The following CHD3 variants were observed in gnomAD, a reference collection of about 807,000 sequenced individuals.
The protein encoded by CHD3 is chromodomain helicase DNA binding protein 3.
CHD3 carries 52 observed loss-of-function variants against 248.9 expected under a neutral mutation model. The ratio of observed to expected loss-of-function variants is 0.21; its 90% CI spans 0.17 to 0.26. The LOEUF is 0.26. Ranked by LOEUF, CHD3 falls within the 10% of genes least tolerant of loss-of-function variation. The probability of loss-of-function intolerance (pLI) is 1.00; values close to 1 mark genes in which losing one functional copy is unlikely to be tolerated. For missense variants in CHD3, 1,482 were observed against 2,605.8 expected, an observed-to-expected ratio of 0.57 and a Z score of 9.39; for synonymous variants, 985 against 985.2, an observed-to-expected ratio of 1.00 and a Z score of 0.00.
In CHD3 at chr17:7,908,651, C is replaced by T. The variant is rs1226414781; in HGVS notation, c.5262-46C>T. 4 of 1,611,612 alleles carry T rather than the reference C, an allele frequency of 2.5e-6. No homozygotes were observed. Among genetic ancestry groups the T allele is most frequent in the Non-Finnish European group, 2.5e-6 (3 of 1,178,032 alleles). ...AAGGAAGAAGTGTTCAAAGCCAAGC[C>T]CATTCCTGTTAAATTCCTTGATGGT... is the stretch of plus-strand genomic sequence containing the variant. On this transcript the variant is annotated intron_variant, in intron 35 of 39. Transcript: ENST00000330494. This position sits in a 1 kb window ranked among gnomAD's most constrained non-coding sequence, Gnocchi z 5.8.
chr17:7,910,583 C>T lies in CHD3; in HGVS notation c.5746C>T (p.Pro1916Ser). 1 of 1,609,598 alleles carries T rather than the reference C, an allele frequency of 6.2e-7. No homozygotes were observed. The highest frequency in any genetic ancestry group is 8.5e-7 in the Non-Finnish European group (1 of 1,179,490). Residue 1916 changes from proline (P) to serine (S), a missense_variant, in exon 38 of 40, where the codon CCC (proline) becomes TCC (serine). Around this residue, in one of 20 missense-constraint regions of CHD3, gnomAD observed 117 missense variants for 137.2 expected, o/e 0.85. Coordinates refer to ENST00000330494, the MANE Select transcript of CHD3 (RefSeq NM_001005273.3). The surrounding 1 kb of genome is among the most constrained non-coding windows in gnomAD (Gnocchi z 4.7). ...GGCCAGCAAGGGCACGGAGCCTCACCCCACACCGGTAACCCTCTTTCCCCC... is the reference window on the plus strand; with the variant it reads ...GGCCAGCAAGGGCACGGAGCCTCACTCCACACCGGTAACCCTCTTTCCCCC... Reference protein sequence around the residue: ...RLASKGTEPHPTPAYPPGPYA... With the variant: ...RLASKGTEPHSTPAYPPGPYA...
In CHD3 at chr17:7,908,151, C is replaced by T. The variant is rs1435562025; in HGVS notation, c.5152+132C>T. The T allele has an allele frequency of 8.7e-7, 1 of 1,145,800 alleles. No homozygotes were observed. The highest frequency in any genetic ancestry group is 2.4e-5 in the Admixed American group (1 of 42,026). 71.0% of individuals were successfully genotyped at this position (1,145,800 alleles called of 1,614,324 possible). Reference sequence around the variant, plus strand: ...TCCAATGAAGTATGTTGCATGCTGACTCCGATCCTTGCTCTAAATCTTTCT... The same window carrying T: ...TCCAATGAAGTATGTTGCATGCTGATTCCGATCCTTGCTCTAAATCTTTCT... On this transcript the variant is annotated intron_variant, in intron 34 of 39. Transcript: ENST00000330494. This position sits in a 1 kb window ranked among gnomAD's most constrained non-coding sequence, Gnocchi z 5.8.
Position 7,893,509 on chromosome 17 carries a change from C to T in CHD3, c.733C>T (p.Pro245Ser). The change falls in exon 5 of 40, where the codon CCC becomes TCC. Residue 245 changes from proline (P) to serine (S), a missense_variant. Transcript: ENST00000330494. ...CTCCGGACCCCCCGCCCTTCCACCA[C>T]CCCCTGCTGCTGATATCCAGCCCCC... The part of the protein sequence containing the change: ...APSGPPALPP[P>S]PAADIQPPPI... 2 of 1,564,646 alleles carry T rather than the reference C, an allele frequency of 1.3e-6. No homozygotes were observed. The highest frequency in any genetic ancestry group is 1.8e-6 in the Non-Finnish European group (2 of 1,139,184).
At chr17:7,896,192 C>T (rs906913014) in intron 10 of CHD3, among the ~76,000 whole-genome samples, 2 of 137,080 alleles carry the variant, frequency 1.5e-5, no homozygotes, top group African/African-American at 5.7e-5. Flanking sequence ...CGTGTCCCTG[C>T]ACTTCAGCCT....
chr17:7,904,848 G>A lies in CHD3; in HGVS notation c.4072+229G>A, dbSNP rs1287815236. Among the ~76,000 whole-genome samples, 1 of 152,162 alleles carries A rather than the reference G, an allele frequency of 6.6e-6. No individual in the cohort carries two copies. Among genetic ancestry groups the A allele is most frequent in the Non-Finnish European group, 1.5e-5 (1 of 68,028 alleles). On this transcript the variant is annotated intron_variant, in intron 25 of 39. Coordinates refer to ENST00000330494, the MANE Select transcript of CHD3 (RefSeq NM_001005273.3). The surrounding 1 kb of genome is among the most constrained non-coding windows in gnomAD (Gnocchi z 4.4). ...CACAGGCATCCTGTGGACACCCAGG[G>A]CCATTGCTTAGAGTAGGTTTTGCAG...
Position 7,900,203 on chromosome 17 carries a change from G to C in CHD3, c.2683-87G>C, listed in dbSNP as rs1597967284. On this transcript the variant is annotated intron_variant, in intron 16 of 39. Transcript: ENST00000330494. The surrounding 1 kb of genome is among the most constrained non-coding windows in gnomAD (Gnocchi z 6.5). ...GCCTCTGATCCTGAGTGAAATGGGA[G>C]CTGGGGCAGGGAAAGGCTGATGCTG... The C allele has an allele frequency of 6.4e-7, 1 of 1,551,252 alleles. No homozygotes were observed. The highest frequency in any genetic ancestry group is 8.7e-7 in the Non-Finnish European group (1 of 1,155,566).
At position 7,909,126 on chromosome 17, in the gene CHD3, C is replaced by A; in HGVS notation, c.5395-17C>A. 1 of 1,552,316 alleles carries A rather than the reference C, an allele frequency of 6.4e-7. No homozygotes were observed. The highest frequency in any genetic ancestry group is 2.4e-5 in the East Asian group (1 of 41,290). On this transcript the variant is annotated splice_polypyrimidine_tract_variant and intron_variant, in intron 36 of 39. Coordinates refer to ENST00000330494, the MANE Select transcript of CHD3 (RefSeq NM_001005273.3). This position sits in a 1 kb window ranked among gnomAD's most constrained non-coding sequence, Gnocchi z 8.1. ...CTGGCAGAGCCCTACCTTCACCTCC[C>A]AACTCTGTGCCCTCAGCTCCTGGAG...
In CHD3 at chr17:7,900,825, C is replaced by T; in HGVS notation, c.2979-27C>T. 1.9e-6 allele frequency: 3 copies of T among 1,612,716 alleles called. No homozygotes were observed. Among genetic ancestry groups the T allele is most frequent in the South Asian group, 2.2e-5 (2 of 91,002 alleles). Reference sequence around the variant, plus strand: ...ATAATTGCTTCCTTTATTTATGTTTCTTTTACACCCCTTTCCTGGCCTTTA... The same window carrying T: ...ATAATTGCTTCCTTTATTTATGTTTTTTTTACACCCCTTTCCTGGCCTTTA... On this transcript the variant is annotated intron_variant, in intron 18 of 39. Transcript: ENST00000330494. This position sits in a 1 kb window ranked among gnomAD's most constrained non-coding sequence, Gnocchi z 6.5.
rs1342418451 is a variant in CHD3 at position 7,911,447 on chromosome 17, AC to A, written c.5882-13del. On this transcript the variant is annotated splice_polypyrimidine_tract_variant and intron_variant, in intron 39 of 39. Coordinates refer to ENST00000330494, the MANE Select transcript of CHD3 (RefSeq NM_001005273.3). The surrounding 1 kb of genome is among the most constrained non-coding windows in gnomAD (Gnocchi z 5.4). ...GTGATCTGGAGATTGATCTTTCCTT[AC>A]CCCTTTCCCAAACAGCCGCCACCAA... 5 of 1,613,760 alleles carry A rather than the reference AC, an allele frequency of 3.1e-6. No individual in the cohort carries two copies. The highest frequency in any genetic ancestry group is 4.2e-6 in the Non-Finnish European group (5 of 1,179,928).
rs1969236606 is a variant in CHD3 at position 7,893,796 on chromosome 17, C to G, written c.794-9C>G. 6.2e-7 allele frequency: 1 copy of G among 1,613,242 alleles called. No homozygotes were observed. Among genetic ancestry groups the G allele is most frequent in the African/African-American group, 1.3e-5 (1 of 74,752 alleles). Reference sequence around the variant, plus strand: ...CTTTTTCCTCTTCTCACCCCGACTCCTCATTCAGGTCCAGGCCATAAGAGG... The same window carrying G: ...CTTTTTCCTCTTCTCACCCCGACTCGTCATTCAGGTCCAGGCCATAAGAGG... On this transcript the variant is annotated splice_polypyrimidine_tract_variant and intron_variant, in intron 5 of 39. Coordinates refer to ENST00000330494, the MANE Select transcript of CHD3 (RefSeq NM_001005273.3).
At position 7,903,145 on chromosome 17, in the gene CHD3, GAAAT is replaced by G; in HGVS notation, c.3495+89_3495+92del. 6.3e-7 allele frequency: 1 copy of G among 1,577,594 alleles called. No homozygotes were observed. Among genetic ancestry groups the G allele is most frequent in the South Asian group, 1.1e-5 (1 of 87,322 alleles). On this transcript the variant is annotated intron_variant, in intron 22 of 39. Transcript: ENST00000330494. The surrounding 1 kb of genome is among the most constrained non-coding windows in gnomAD (Gnocchi z 6.8). ...AGGAGGGTGTCATGTTCCGGGGTCA[GAAAT>G]AAATCTCTTCTGGGAGGAGAGAAGG... is the stretch of plus-strand genomic sequence containing the variant.
chr17:7,901,467 C>T (rs1597972408), intron 20 of CHD3, 92 bp downstream of exon 20: 2 of 1,055,810 alleles, frequency 1.9e-6, no homozygotes, highest in Non-Finnish European at 2.6e-6. Context: ...CCTGTGGCTG[C>T]TCTGGTGTGA....
chr17:7,897,951 C>G lies in CHD3; in HGVS notation c.1920-20C>G, dbSNP rs1292690223. 6.2e-7 allele frequency: 1 copy of G among 1,608,428 alleles called. No individual in the cohort carries two copies. Among genetic ancestry groups the G allele is most frequent in the Non-Finnish European group, 8.5e-7 (1 of 1,177,614 alleles). On this transcript the variant is annotated intron_variant, in intron 11 of 39. Coordinates refer to ENST00000330494, the MANE Select transcript of CHD3 (RefSeq NM_001005273.3). The surrounding 1 kb of genome is among the most constrained non-coding windows in gnomAD (Gnocchi z 4.8). ...GCAATATTTTCCTCCTGCTCCTCCCCATGGCCTCCTGCCCCACAGTGTGGA... is the reference window on the plus strand; with the variant it reads ...GCAATATTTTCCTCCTGCTCCTCCCGATGGCCTCCTGCCCCACAGTGTGGA...
At position 7,901,248 on chromosome 17, in the gene CHD3, C is replaced by T; in HGVS notation, c.3125C>T (p.Ser1042Phe). Residue 1042 changes from serine to phenylalanine, a missense_variant, in exon 20 of 40, where the codon TCC becomes TTC. Physicochemically the swap from Ser to Phe is radical, Grantham distance 155 (BLOSUM62 -2). Coordinates refer to ENST00000330494, the MANE Select transcript of CHD3 (RefSeq NM_001005273.3). ...PYLFPVAAME[S>F]PKLPSGAYEG... ...TCCTCTCTCCTCCCTTTTCAGGAGT[C>T]CCCCAAACTCCCCAGTGGGGCTTAT... 1.2e-6 allele frequency: 2 copies of T among 1,600,594 alleles called. No individual in the cohort carries two copies. Among genetic ancestry groups the T allele is most frequent in the Non-Finnish European group, 1.7e-6 (2 of 1,172,160 alleles).
chr17:7,897,831 CCCTT>C lies in CHD3; in HGVS notation c.1920-137_1920-134del, dbSNP rs1308089291. ...GCTGCTAGGTCAACTATTCCAATCTCCCTTCCAGCAGCTCACTGTTGACGGTTGG... is the reference window on the plus strand; with the variant it reads ...GCTGCTAGGTCAACTATTCCAATCTCCCAGCAGCTCACTGTTGACGGTTGG... On this transcript the variant is annotated intron_variant, in intron 11 of 39. Coordinates refer to ENST00000330494, the MANE Select transcript of CHD3 (RefSeq NM_001005273.3). This position sits in a 1 kb window ranked among gnomAD's most constrained non-coding sequence, Gnocchi z 4.8. 9 of 878,928 alleles carry C rather than the reference CCCTT, an allele frequency of 1.0e-5. No individual in the cohort carries two copies. The highest frequency in any genetic ancestry group is 2.5e-5 in the East Asian group (1 of 40,032). 54.4% of individuals were successfully genotyped at this position (878,928 alleles called of 1,614,324 possible). A position where few individuals can be genotyped will look rare whatever the true frequency, so the allele number is the denominator to read the frequency against.
chr17:7,909,972 C>T lies in CHD3; in HGVS notation c.5591-456C>T. The T allele has an allele frequency of 4.0e-6, 1 of 249,960 alleles. No individual in the cohort carries two copies. 15.5% of individuals were successfully genotyped at this position (249,960 alleles called of 1,614,324 possible). On this transcript the variant is annotated intron_variant, in intron 37 of 39. Transcript: ENST00000330494. This position sits in a 1 kb window ranked among gnomAD's most constrained non-coding sequence, Gnocchi z 8.1. Reference sequence around the variant, plus strand: ...CTGTAATACTGACCTTCTAACCTCCCTCTCCCCTTACATATTAAAACCGTG... The same window carrying T: ...CTGTAATACTGACCTTCTAACCTCCTTCTCCCCTTACATATTAAAACCGTG...
At position 7,894,258 on chromosome 17, in the gene CHD3, G is replaced by A. The variant is rs369388251; in HGVS notation, c.1068G>A (p.Lys356=). The A allele has an allele frequency of 1.2e-5, 19 of 1,613,904 alleles. No individual in the cohort carries two copies. The highest frequency in any genetic ancestry group is 9.3e-5 in the African/African-American group (7 of 74,914). The change falls in exon 7 of 40, where the codon AAG becomes AAA. Residue 356 remains lysine, a synonymous_variant. Coordinates refer to ENST00000330494, the MANE Select transcript of CHD3 (RefSeq NM_001005273.3). ...AGAGAGGCCGGCCAGGAAGGAAGAA[G>A]AAGAAGGGTAAGGAGTGTTGACTGT... ...KLKRGRPGRK[K]KKVLGCPAVA... is the part of the protein sequence containing the mutation.
chr17:7,906,062 C>A lies in CHD3; in HGVS notation c.4358+73C>A. ...TTGGGTGTTCCTTTCTTCCTTGGGG[C>A]CGCCATATGATGTGACCTTACTCAA... On this transcript the variant is annotated intron_variant, in intron 28 of 39. Coordinates refer to ENST00000330494, the MANE Select transcript of CHD3 (RefSeq NM_001005273.3). The surrounding 1 kb of genome is among the most constrained non-coding windows in gnomAD (Gnocchi z 5.0). The A allele has an allele frequency of 1.3e-6, 2 of 1,587,444 alleles. No homozygotes were observed. Among genetic ancestry groups the A allele is most frequent in the Non-Finnish European group, 1.7e-6 (2 of 1,160,402 alleles).
chr17:7,901,086 G>A (rs1163944609), intron 19 of CHD3, 93 bp downstream of exon 19: 15 of 1,533,190 alleles, frequency 9.8e-6, no homozygotes, highest in Middle Eastern at 1.8e-4. Flanking sequence ...CCACAGGGGT[G>A]GAGCTGGGCT....
Sources: allele counts gnomAD v4.1 joint callset (sites outside exome capture counted in the v4.1 genomes callset), GRCh38; gene constraint gnomAD v4.1.1; regional missense constraint gnomAD v4.1.1; non-coding constraint Gnocchi (gnomAD v3.1); transcripts MANE v1.5; gene names NCBI Gene and HGNC (gene_info 2026-07-23, HGNC 2026-07-21).